RPS6KA2: variants seen among roughly 807,000 people sequenced by gnomAD.
RPS6KA2 encodes ribosomal protein S6 kinase alpha-2.
In RPS6KA2, 42 loss-of-function variants were observed where a neutral mutation model predicts 91.8. The observed-to-expected ratio is 0.46, with a 90% confidence interval of 0.36 to 0.59. The LOEUF (loss-of-function observed/expected upper bound fraction) is 0.59, where lower values mean the gene tolerates loss of function less well. Ranked by LOEUF, RPS6KA2 falls within the 20% of genes least tolerant of loss-of-function variation. The probability of loss-of-function intolerance (pLI) is 0.00; values close to 1 mark genes in which losing one functional copy is unlikely to be tolerated. For missense variants in RPS6KA2, 798 were observed against 978.5 expected, an observed-to-expected ratio of 0.82 and a Z score of 2.46; for synonymous variants, 414 against 393.6, an observed-to-expected ratio of 1.05 and a Z score of -0.61.
In RPS6KA2 at chr6:166,825,571, A is replaced by G. The variant is rs552199727; in HGVS notation, c.123+32629T>C. ...TTACCCTAGACTGGGTGGCTTTTAA[A>G]CAACAGAAATGTAGTGGTCCCAGGT... On this transcript the variant is annotated intron_variant, in intron 2 of 21. Transcript: ENST00000503859. The surrounding 1 kb of genome is among the most constrained non-coding windows in gnomAD (Gnocchi z 4.1). Among the ~76,000 whole-genome samples the G allele has an allele frequency of 5.3e-5, 8 of 152,118 alleles. No individual in the cohort carries two copies. The South Asian group carries it at 1.7e-3, about 32-fold the overall frequency.
intron 2 of RPS6KA2, among the ~76,000 whole-genome samples, chr6:166,683,617 T>G (rs1788905667): frequency 6.6e-6 from 1 of 152,268 alleles, no homozygotes; most frequent in Admixed American, 6.5e-5. Flanking sequence ...TCAGTAAATG[T>G]TCCTTTTCCC....
intron 2 of RPS6KA2, among the ~76,000 whole-genome samples, chr6:166,768,278 C>T (rs1167265288): frequency 1.3e-5 from 2 of 152,126 alleles, no homozygotes; most frequent in African/African-American, 4.8e-5. Context: ...TCCTTTGTGT[C>T]TTTTCTAAAA....
At chr6:166,619,546 G>C (rs560198272) in intron 1 of RPS6KA2, among the ~76,000 whole-genome samples, 1 of 152,372 alleles carries the variant, frequency 6.6e-6, no homozygotes, top group Non-Finnish European at 1.5e-5. Flanking sequence ...CAGGGCCCCA[G>C]GTGCCTGCAG....
At chr6:166,579,869 T>C (rs1005787669) in intron 1 of RPS6KA2, among the ~76,000 whole-genome samples, 2 of 152,206 alleles carry the variant, frequency 1.3e-5, no homozygotes, top group Non-Finnish European at 2.9e-5. Flanking sequence ...ATAACTCACA[T>C]ACTGTTTTGA....
intron 2 of RPS6KA2, among the ~76,000 whole-genome samples, chr6:166,762,091 C>A (rs1028051027): frequency 1.3e-5 from 2 of 152,180 alleles, no homozygotes; most frequent in African/African-American, 4.8e-5. Context: ...CACAGAGGTA[C>A]ATGGTCTGTC....
chr6:166,469,105 G>C (rs534428939), intron 11 of RPS6KA2, among the ~76,000 whole-genome samples: 1 of 152,288 alleles, frequency 6.6e-6, no homozygotes, highest in African/African-American at 2.4e-5. Flanking sequence ...TTTTAGCCGC[G>C]AGAACTCCCT....
chr6:166,605,469 G>A (rs924214932), intron 1 of RPS6KA2, among the ~76,000 whole-genome samples: 4 of 152,172 alleles, frequency 2.6e-5, no homozygotes, highest in Admixed American at 6.5e-5. Context: ...TTATGTTATC[G>A]GGATTGATAT....
At chr6:166,461,674 G>A (rs566913546) in intron 11 of RPS6KA2, among the ~76,000 whole-genome samples, 40 of 152,168 alleles carry the variant, frequency 2.6e-4, no homozygotes, top group African/African-American at 8.7e-4. Flanking sequence ...TTATTATGAG[G>A]AGGAATTTAT....
At chr6:166,692,405 G>A (rs1424123314) in intron 2 of RPS6KA2, among the ~76,000 whole-genome samples, 1 of 152,146 alleles carries the variant, frequency 6.6e-6, no homozygotes, top group Non-Finnish European at 1.5e-5. Flanking sequence ...ACCAGCGTGT[G>A]CAGAGATGGA....
chr6:166,493,180 C>T lies in RPS6KA2; in HGVS notation c.748-2439G>A, dbSNP rs1468103281. ...CAGCCAGAGAACACCCAGCACAGCA[C>T]CCATGAATATTCAACAACTGCTTCT... On this transcript the variant is annotated intron_variant, in intron 8 of 20. Coordinates refer to ENST00000265678, the MANE Select transcript of RPS6KA2 (RefSeq NM_021135.6). This position sits in a 1 kb window ranked among gnomAD's most constrained non-coding sequence, Gnocchi z 4.7. 3.9e-5 allele frequency among the ~76,000 whole-genome samples: 6 copies of T among 152,124 alleles called. No individual in the cohort carries two copies. Among genetic ancestry groups the T allele is most frequent in the Admixed American group, 3.9e-4 (6 of 15,272 alleles).
At chr6:166,641,749 A>AAAAAAAAAAAAAAAAT (rs1787444393) in intron 2 of RPS6KA2, among the ~76,000 whole-genome samples, 1 of 136,202 alleles carries the variant, frequency 7.3e-6, no homozygotes. Context: ...AAAAAAAAAA[A>AAAAAAAAAAAAAAAAT]AAAAAAAAAA....
Position 166,423,157 on chromosome 6 carries a change from C to T in RPS6KA2, c.1743+99G>A, listed in dbSNP as rs528112667. On this transcript the variant is annotated intron_variant, in intron 17 of 20. Coordinates refer to ENST00000265678, the MANE Select transcript of RPS6KA2 (RefSeq NM_021135.6). The surrounding 1 kb of genome is among the most constrained non-coding windows in gnomAD (Gnocchi z 4.8). ...ACCACTGCTGACGCAGCTCAAGCCGCCTCTGACATCCCCGCTGTCCGGTGG... is the reference window on the plus strand; with the variant it reads ...ACCACTGCTGACGCAGCTCAAGCCGTCTCTGACATCCCCGCTGTCCGGTGG... 16 of 1,311,374 alleles carry T rather than the reference C, an allele frequency of 1.2e-5. No homozygotes were observed. The highest frequency in any genetic ancestry group is 1.6e-5 in the Non-Finnish European group (15 of 961,726). The allele number at this position is 1,311,374 out of a possible 1,614,324, so 81.2% of individuals were successfully genotyped here.
chr6:166,526,768 C>T (rs1256162132), intron 3 of RPS6KA2, among the ~76,000 whole-genome samples: 1 of 152,170 alleles, frequency 6.6e-6, no homozygotes, highest in Non-Finnish European at 1.5e-5. Context: ...CTGTTGAAAA[C>T]TTGCAGTAAC....
chr6:166,455,734 C>G (rs1780083126), intron 12 of RPS6KA2, among the ~76,000 whole-genome samples: 1 of 152,256 alleles, frequency 6.6e-6, no homozygotes, highest in Non-Finnish European at 1.5e-5. Flanking sequence ...GGCGCTCCTG[C>G]TACACCCGGT....
intron 3 of RPS6KA2, among the ~76,000 whole-genome samples, chr6:166,521,511 C>A (rs968349745): frequency 1.3e-5 from 2 of 152,224 alleles, no homozygotes; most frequent in Non-Finnish European, 1.5e-5. Context: ...CTTTTCTTTC[C>A]TATTTCTCCT....
chr6:166,833,389 T>C (rs1780236064), intron 2 of RPS6KA2, among the ~76,000 whole-genome samples: 2 of 152,272 alleles, frequency 1.3e-5, no homozygotes, highest in South Asian at 4.1e-4. Context: ...TATGTTTTTC[T>C]AAGTCAGATT....
intron 2 of RPS6KA2, among the ~76,000 whole-genome samples, chr6:166,780,158 C>G (rs919340632): frequency 6.6e-6 from 1 of 152,232 alleles, no homozygotes; most frequent in Admixed American, 6.5e-5. Context: ...CAGCATAGTT[C>G]TGGGCTGCAT....
Position 166,603,907 on chromosome 6 carries a change from G to A in RPS6KA2, c.99+23014C>T, listed in dbSNP as rs997827086. ...TGTTTTAGGCAGAAACTGGATTGCCGCAAAGCTGACATGTTGGAAGGGGTG... is the reference window on the plus strand; with the variant it reads ...TGTTTTAGGCAGAAACTGGATTGCCACAAAGCTGACATGTTGGAAGGGGTG... On this transcript the variant is annotated intron_variant, in intron 1 of 20. Coordinates refer to ENST00000265678, the MANE Select transcript of RPS6KA2 (RefSeq NM_021135.6). The surrounding 1 kb of genome is among the most constrained non-coding windows in gnomAD (Gnocchi z 4.3). Among the ~76,000 whole-genome samples the A allele has an allele frequency of 6.6e-6, 1 of 152,164 alleles. No homozygotes were observed. The highest frequency in any genetic ancestry group is 1.5e-5 in the Non-Finnish European group (1 of 68,014).
At chr6:166,633,422 G>T (rs1787143350) in intron 2 of RPS6KA2, among the ~76,000 whole-genome samples, 1 of 152,194 alleles carries the variant, frequency 6.6e-6, no homozygotes, top group South Asian at 2.1e-4. Flanking sequence ...GAAACATTTT[G>T]GATCCTTGAT....
Sources: gnomAD v4.1 joint callset for allele counts (sites outside exome capture counted in the v4.1 genomes callset) on GRCh38, gnomAD v4.1.1 for gene constraint, Gnocchi (gnomAD v3.1) non-coding constraint, MANE v1.5 for transcripts, NCBI Gene and HGNC (gene_info 2026-07-23, HGNC 2026-07-21) for gene names.